Variants in MAOA observed in about 807,000 individuals in gnomAD.
MAOA encodes the protein amine oxidase [flavin-containing] A.
MAOA carries 6 observed loss-of-function variants against 42.0 expected under a neutral mutation model. That is an observed-to-expected ratio of 0.14 (90% CI 0.08 to 0.28). MAOA has a LOEUF of 0.28. MAOA is among the 10% of genes least tolerant of loss of function. The pLI, the probability that MAOA is intolerant of heterozygous loss-of-function variation, is 1.00. For synonymous variants in MAOA, 140 were observed against 154.0 expected (o/e 0.91, Z 0.67); for missense variants, 262 against 422.3 (o/e 0.62, Z 3.33).
intron 12 of MAOA, among the ~76,000 whole-genome samples, chrX:43,742,350 G>A (rs1028019372): frequency 8.9e-6 from 1 of 112,326 alleles, no homozygotes. Context: ...TTGACATTTA[G>A]TCTCACATGA....
rs2033849447 is a variant in MAOA, at chrX:43,727,595, G to T, written c.504-578G>T. ...CAAGCCAATGGATATTAGCTTGCTG[G>T]GCTCCATGGGTGTGGGACCCACTGA... On this transcript the variant is annotated intron_variant, in intron 5 of 14. Transcript: ENST00000338702. Among the ~76,000 whole-genome samples the T allele has an allele frequency of 2.7e-5, 3 of 112,745 alleles. No individual in the cohort carries two copies. The Admixed American group carries it at 2.8e-4, about 11-fold the overall frequency.
chrX:43,676,391 A>G (rs2033396790), intron 1 of MAOA, among the ~76,000 whole-genome samples: 1 of 111,642 alleles, frequency 9.0e-6, no homozygotes, highest in African/African-American at 3.3e-5. Flanking sequence ...GACCCCTTGC[A>G]CTTCCCGAGT....
At chrX:43,659,697 G>C (rs1423135281) in intron 1 of MAOA, among the ~76,000 whole-genome samples, 1 of 111,187 alleles carries the variant, frequency 9.0e-6, no homozygotes, top group Non-Finnish European at 1.9e-5. Context: ...GAACACTTCA[G>C]GTTCAACATG....
At chrX:43,700,608 G>A (rs2033616490) in intron 3 of MAOA, among the ~76,000 whole-genome samples, 1 of 111,933 alleles carries the variant, frequency 8.9e-6, no homozygotes, top group African/African-American at 3.3e-5. Context: ...ACAGCCCCCA[G>A]TGTGTCCCAG....
intron 1 of MAOA, among the ~76,000 whole-genome samples, chrX:43,677,317 C>T (rs768698327): frequency 9.8e-5 from 11 of 111,981 alleles, no homozygotes; most frequent in Non-Finnish European, 2.1e-4. Context: ...GGAAGCATTG[C>T]AGAATTGGTG....
intron 2 of MAOA, among the ~76,000 whole-genome samples, chrX:43,687,947 A>T (rs1490897096): frequency 8.9e-6 from 1 of 112,881 alleles, no homozygotes; most frequent in Non-Finnish European, 1.9e-5. Flanking sequence ...AGATTACTAG[A>T]GTAGGCTCCT....
At chrX:43,711,279 A>C (rs2033697743) in intron 3 of MAOA, among the ~76,000 whole-genome samples, 1 of 112,501 alleles carries the variant, frequency 8.9e-6, no homozygotes, top group Non-Finnish European at 1.9e-5. Flanking sequence ...ACTACCAGGA[A>C]AGGGGAATGG....
At chrX:43,712,565 T>C in intron 4 of MAOA, 140 bp from the exon 5 acceptor site, 1 of 503,382 alleles carries the variant, frequency 2.0e-6, no homozygotes, top group Non-Finnish European at 3.6e-6. Context: ...CCACTCCCTG[T>C]CTCTATATAG....
intron 5 of MAOA, among the ~76,000 whole-genome samples, chrX:43,724,566 C>T (rs949601014): frequency 4.5e-5 from 5 of 111,115 alleles, no homozygotes; most frequent in Admixed American, 9.6e-5. Context: ...TGATTCTTCT[C>T]TCTTTTCTTT....
In MAOA at chrX:43,715,455, A is replaced by C. The variant is rs190708843; in HGVS notation, c.503+2659A>C. 8.0e-3 allele frequency among the ~76,000 whole-genome samples: 883 copies of C among 110,890 alleles called. 10 individuals are homozygous for C. Among genetic ancestry groups the C allele is most frequent in the African/African-American group, 0.028 (849 of 30,423 alleles). On this transcript the variant is annotated intron_variant, in intron 5 of 14. Transcript: ENST00000338702. ...TCTTCCTGGAGTAACCCAAAGGGTC[A>C]GGGGTGAGACAGCAAGGGTGGATAT...
rs930072461 is a variant in MAOA, at chrX:43,728,321, T to C, written c.645+7T>C. 8.3e-7 allele frequency: 1 copy of C among 1,208,982 alleles called. No homozygotes were observed. The highest frequency in any genetic ancestry group is 1.8e-5 in the African/African-American group (1 of 57,087). ...TGTCACCAATGGTGGCCAGGTATGG[T>C]GTGTATGTGTCTGTTCTGAAACAAG... On this transcript the variant is annotated splice_region_variant and intron_variant, in intron 6 of 14. Transcript: ENST00000338702.
At chrX:43,710,114 A>G (rs1356924757) in intron 3 of MAOA, among the ~76,000 whole-genome samples, 1 of 112,421 alleles carries the variant, frequency 8.9e-6, no homozygotes, top group African/African-American at 3.2e-5. Context: ...CCTTATTTAT[A>G]AAATGGAAAT....
intron 5 of MAOA, among the ~76,000 whole-genome samples, chrX:43,719,171 T>A (rs774467105): frequency 9.0e-6 from 1 of 110,536 alleles, no homozygotes; most frequent in Non-Finnish European, 1.9e-5. Flanking sequence ...TGTGGTATAG[T>A]CACTGTGGGG....
At chrX:43,674,579 T>G (rs2033373227) in intron 1 of MAOA, among the ~76,000 whole-genome samples, 2 of 111,456 alleles carry the variant, frequency 1.8e-5, no homozygotes, top group African/African-American at 6.5e-5. Context: ...TTGCAGCAGC[T>G]GGTACCGGTT....
intron 1 of MAOA, among the ~76,000 whole-genome samples, chrX:43,677,747 AAC>A (rs987231743): frequency 8.1e-5 from 9 of 111,728 alleles, no homozygotes; most frequent in African/African-American, 2.9e-4. Context: ...ATAAGGCCTT[AAC>A]AAACTCTTTG....
intron 3 of MAOA, among the ~76,000 whole-genome samples, chrX:43,711,126 A>G (rs1281725567): frequency 2.7e-5 from 3 of 111,476 alleles, no homozygotes; most frequent in Non-Finnish European, 5.7e-5. Context: ...CAGCCAGGCT[A>G]TACCAGGAGC....
intron 1 of MAOA, among the ~76,000 whole-genome samples, chrX:43,676,436 G>A (rs967207412): frequency 9.9e-5 from 11 of 110,905 alleles, no homozygotes; most frequent in African/African-American, 3.0e-4. Context: ...GCTCGCGCAC[G>A]GTGCACCGCA....
At chrX:43,712,926 A>T in intron 5 of MAOA, 130 bp downstream of exon 5, 1 of 519,764 alleles carries the variant, frequency 1.9e-6, no homozygotes, top group Non-Finnish European at 3.4e-6. Context: ...TCTTTCAGTC[A>T]ATAGCAATGT....
intron 1 of MAOA, among the ~76,000 whole-genome samples, chrX:43,659,389 A>G (rs1166741205): frequency 9.0e-6 from 1 of 111,393 alleles, no homozygotes; most frequent in Non-Finnish European, 1.9e-5. Context: ...TCTATCACCC[A>G]TTCCTTTTTG....
Sources: allele counts gnomAD v4.1 joint callset (sites outside exome capture counted in the v4.1 genomes callset), GRCh38; gene constraint gnomAD v4.1.1; transcripts MANE v1.5; gene names NCBI Gene and HGNC (gene_info 2026-07-23, HGNC 2026-07-21).